Variants in NYAP2 observed in about 807,000 individuals in gnomAD.
The protein encoded by NYAP2 is neuronal tyrosine-phosphorylated phosphoinositide-3-kinase adapter 2.
A neutral mutation model predicts 50.4 loss-of-function variants in NYAP2; 23 were observed. That is an observed-to-expected ratio of 0.46 (90% CI 0.33 to 0.65). NYAP2 has a LOEUF of 0.65. Ranked by LOEUF, NYAP2 falls within the 30% of genes least tolerant of loss-of-function variation. The probability of loss-of-function intolerance (pLI) is 0.02; values close to 1 mark genes in which losing one functional copy is unlikely to be tolerated. For missense variants in NYAP2, 885 were observed against 861.0 expected, an observed-to-expected ratio of 1.03 and a Z score of -0.35; for synonymous variants, 394 against 365.2, an observed-to-expected ratio of 1.08 and a Z score of -0.90.
intron 3 of NYAP2, among the ~76,000 whole-genome samples, chr2:225,424,664 G>A (rs1004355087): frequency 6.6e-6 from 1 of 151,662 alleles, no homozygotes; most frequent in African/African-American, 2.4e-5. Flanking sequence ...CCCTCAAATT[G>A]TAATTTCCTC....
chr2:225,542,470 A>T (rs13383808), intron 4 of NYAP2, among the ~76,000 whole-genome samples: 36,746 of 151,906 alleles, frequency 0.24, 4,617 homozygotes, highest in African/African-American at 0.33. Context: ...TGAGTTTTTT[A>T]AATCATTAAG....
At chr2:225,689,718 T>C in the NYAP2 span, among the ~76,000 whole-genome samples, 3 of 152,074 alleles carry the variant, frequency 2.0e-5, no homozygotes, top group African/African-American at 7.2e-5. Context: ...GGGAGAATTA[T>C]AAGGGGACAA....
At chr2:225,692,043 T>A in the NYAP2 span, among the ~76,000 whole-genome samples, 7 of 152,268 alleles carry the variant, frequency 4.6e-5, no homozygotes, top group Admixed American at 6.5e-5. Flanking sequence ...TAAATTTTAC[T>A]CTCACGACAA....
intron 4 of NYAP2, among the ~76,000 whole-genome samples, chr2:225,540,708 T>G (rs879104820): frequency 3.9e-4 from 60 of 152,334 alleles, no homozygotes; most frequent in Admixed American, 3.7e-3. Flanking sequence ...TTAGGTTACT[T>G]CCAAATCTTG....
chr2:225,440,446 A>G (rs1462995792), intron 3 of NYAP2, among the ~76,000 whole-genome samples: 1 of 152,242 alleles, frequency 6.6e-6, no homozygotes, highest in Non-Finnish European at 1.5e-5. Context: ...AATATTCACA[A>G]AAAGCAAAAC....
intron 5 of NYAP2, among the ~76,000 whole-genome samples, chr2:225,603,237 C>A (rs1692726685): frequency 6.6e-6 from 1 of 152,076 alleles, no homozygotes; most frequent in Non-Finnish European, 1.5e-5. Flanking sequence ...GTCTTTCATT[C>A]GTTCAATAAA....
chr2:225,635,243 C>T (rs748086126), intron 6 of NYAP2, among the ~76,000 whole-genome samples: 4 of 152,100 alleles, frequency 2.6e-5, no homozygotes, highest in South Asian at 2.1e-4. Flanking sequence ...TTTGGAAGAC[C>T]GTAATAAATC....
At chr2:225,471,548 T>C (rs1380440561) in intron 3 of NYAP2, among the ~76,000 whole-genome samples, 2 of 152,220 alleles carry the variant, frequency 1.3e-5, no homozygotes, top group Non-Finnish European at 2.9e-5. Flanking sequence ...AGACATATAG[T>C]AACATATTAA....
intron 3 of NYAP2, among the ~76,000 whole-genome samples, chr2:225,472,627 T>C (rs905781850): frequency 2.0e-5 from 3 of 152,184 alleles, no homozygotes; most frequent in African/African-American, 7.2e-5. Context: ...GAGGGCTGTG[T>C]AAAAATCATA....
At chr2:225,605,265 A>C (rs576120125) in intron 5 of NYAP2, among the ~76,000 whole-genome samples, 22 of 152,142 alleles carry the variant, frequency 1.4e-4, no homozygotes, top group African/African-American at 3.9e-4. Flanking sequence ...GCATATATTC[A>C]GCTACCCACA....
chr2:225,529,989 G>A (rs1261703843), intron 4 of NYAP2, among the ~76,000 whole-genome samples: 1 of 152,144 alleles, frequency 6.6e-6, no homozygotes, highest in Non-Finnish European at 1.5e-5. Context: ...TTGCAGGCGT[G>A]AGCCACCGTG....
chr2:225,645,701 A>G (rs1044043623), intron 6 of NYAP2, among the ~76,000 whole-genome samples: 1 of 152,184 alleles, frequency 6.6e-6, no homozygotes, highest in Non-Finnish European at 1.5e-5. Context: ...TCCTTGGGGT[A>G]GGAAAGCTCT....
intron 4 of NYAP2, 112 bp from the exon 5 acceptor site, chr2:225,581,829 A>G (rs1692274054): frequency 6.1e-6 from 6 of 991,030 alleles, no homozygotes; most frequent in Non-Finnish European, 7.5e-6. Context: ...ACTAAGAATG[A>G]AGCTGTCTAC....
chr2:225,699,353 G>T, the NYAP2 span: 3 of 151,894 alleles, frequency 2.0e-5, no homozygotes, highest in Non-Finnish European at 4.4e-5. Flanking sequence ...TCATTGATCT[G>T]ATTGGAGGAG....
At chr2:225,424,456 G>C (rs1189447774) in intron 3 of NYAP2, among the ~76,000 whole-genome samples, 2 of 151,686 alleles carry the variant, frequency 1.3e-5, no homozygotes. Flanking sequence ...AATTAACATA[G>C]AAATTTTAAA....
intron 5 of NYAP2, among the ~76,000 whole-genome samples, chr2:225,584,341 A>T (rs1692353553): frequency 6.6e-6 from 1 of 152,238 alleles, no homozygotes; most frequent in South Asian, 2.1e-4. Context: ...TTACTACTGA[A>T]TTTCAAAGAC....
chr2:225,559,933 C>A (rs1691844095), intron 4 of NYAP2, among the ~76,000 whole-genome samples: 1 of 151,984 alleles, frequency 6.6e-6, no homozygotes, highest in Admixed American at 6.6e-5. Flanking sequence ...AAGATATTGC[C>A]TGCATTAGGA....
At chr2:225,542,719 G>A (rs1691498604) in intron 4 of NYAP2, among the ~76,000 whole-genome samples, 1 of 152,000 alleles carries the variant, frequency 6.6e-6, no homozygotes, top group Admixed American at 6.6e-5. Context: ...AGAAATATTG[G>A]CTTATAGTTT....
chr2:225,420,290 T>C (rs923629087), intron 3 of NYAP2, among the ~76,000 whole-genome samples: 15 of 152,318 alleles, frequency 9.8e-5, no homozygotes, highest in Middle Eastern at 3.4e-3. Flanking sequence ...GCTATATTTT[T>C]ACTCTATTAA....
Sources: gnomAD v4.1 joint callset for allele counts (sites outside exome capture counted in the v4.1 genomes callset) on GRCh38, gnomAD v4.1.1 for gene constraint, MANE v1.5 for transcripts, NCBI Gene and HGNC (gene_info 2026-07-23, HGNC 2026-07-21) for gene names.